RASGRP1: variants seen among roughly 807,000 people sequenced by gnomAD.
RASGRP1 encodes the protein RAS guanyl releasing protein 1, also known as RAS guanyl-releasing protein 1.
RASGRP1 carries 37 observed loss-of-function variants against 95.1 expected under a neutral mutation model. That is an observed-to-expected ratio of 0.39 (90% CI 0.30 to 0.51). The LOEUF is 0.51. Among genes scored for constraint, RASGRP1 ranks in the 20% least tolerant of loss-of-function variants. RASGRP1 has a pLI of 0.80. For missense variants in RASGRP1, 711 were observed against 965.4 expected (o/e 0.74, Z 3.49); for synonymous variants, 325 against 353.4 (o/e 0.92, Z 0.90).
chr15:38,502,245 G>T, intron 12 of RASGRP1, 67 bp downstream of exon 12: 1 of 1,123,248 alleles, frequency 8.9e-7, no homozygotes, highest in Non-Finnish European at 1.3e-6. Context: ...TTCTTCTAGT[G>T]ACATACCTAT....
chr15:38,554,303 G>C (rs553386050), intron 2 of RASGRP1, among the ~76,000 whole-genome samples: 66 of 152,246 alleles, frequency 4.3e-4, no homozygotes, highest in Admixed American at 3.1e-3. Flanking sequence ...CCACCTCATA[G>C]GGTTGTTGGG....
chr15:38,518,932 C>T (rs1467038818), intron 4 of RASGRP1, among the ~76,000 whole-genome samples: 1 of 151,910 alleles, frequency 6.6e-6, no homozygotes, highest in Non-Finnish European at 1.5e-5. Flanking sequence ...GAAAACAAGA[C>T]AAAGGAAATA....
intron 2 of RASGRP1, among the ~76,000 whole-genome samples, chr15:38,548,620 A>C (rs1893198112): frequency 6.7e-6 from 1 of 150,038 alleles, no homozygotes; most frequent in Admixed American, 6.5e-5. Context: ...ATAGTGAGCA[A>C]AACAACGTAA....
intron 12 of RASGRP1, among the ~76,000 whole-genome samples, 178 bp downstream of exon 12, chr15:38,502,134 C>T (rs368186724): frequency 3.5e-4 from 54 of 152,150 alleles, no homozygotes; most frequent in Non-Finnish European, 7.3e-4. Context: ...GGATTACAGG[C>T]GTGAGCCACT....
At chr15:38,526,601 C>T (rs1019613594) in intron 2 of RASGRP1, among the ~76,000 whole-genome samples, 197 bp from the exon 3 acceptor site, 1 of 152,086 alleles carries the variant, frequency 6.6e-6, no homozygotes, top group African/African-American at 2.4e-5. Context: ...CATTTTGATG[C>T]TCATTAACTA....
intron 11 of RASGRP1, among the ~76,000 whole-genome samples, 158 bp from the exon 12 acceptor site, chr15:38,502,579 G>T (rs1891078189): frequency 6.6e-6 from 1 of 152,218 alleles, no homozygotes; most frequent in African/African-American, 2.4e-5. Flanking sequence ...GCAAAGATGT[G>T]GCAGGTCACA....
chr15:38,514,357 A>G (rs567987977), intron 6 of RASGRP1, among the ~76,000 whole-genome samples: 38 of 152,304 alleles, frequency 2.5e-4, no homozygotes, highest in African/African-American at 8.4e-4. Flanking sequence ...CTCATTGCAT[A>G]TATTTTGAAT....
chr15:38,564,133 A>G (rs985678695), intron 1 of RASGRP1, among the ~76,000 whole-genome samples: 2 of 152,162 alleles, frequency 1.3e-5, no homozygotes, highest in Non-Finnish European at 2.9e-5. Context: ...GAGGGGTGCC[A>G]CCTCTGCGGG....
intron 2 of RASGRP1, among the ~76,000 whole-genome samples, chr15:38,531,660 T>G (rs1451487697): frequency 1.3e-5 from 2 of 151,892 alleles, no homozygotes; most frequent in Non-Finnish European, 2.9e-5. Flanking sequence ...TCTGTGGGAG[T>G]GAGTGCTGGC....
chr15:38,510,952 G>A (rs1446431517), intron 8 of RASGRP1, among the ~76,000 whole-genome samples: 1 of 152,136 alleles, frequency 6.6e-6, no homozygotes, highest in Non-Finnish European at 1.5e-5. Flanking sequence ...GACAGAGGAA[G>A]ACCCTGTTTC....
chr15:38,542,239 C>T (rs895112189), intron 2 of RASGRP1, among the ~76,000 whole-genome samples: 1 of 152,092 alleles, frequency 6.6e-6, no homozygotes, highest in African/African-American at 2.4e-5. Flanking sequence ...AAAAGCAGAA[C>T]AAAAACTGGT....
intron 14 of RASGRP1, 129 bp from the exon 15 acceptor site, chr15:38,499,075 T>TAA: frequency 8.1e-7 from 1 of 1,234,806 alleles, no homozygotes. Flanking sequence ...CTAAGACACT[T>TAA]AACATTCCTA....
At chr15:38,519,711 G>A (rs1018872538) in intron 3 of RASGRP1, among the ~76,000 whole-genome samples, 4 of 152,112 alleles carry the variant, frequency 2.6e-5, no homozygotes, top group African/African-American at 9.7e-5. Flanking sequence ...ATGACTCCTT[G>A]CCTGTGCTCA....
intron 3 of RASGRP1, among the ~76,000 whole-genome samples, chr15:38,520,237 T>C (rs1282945837): frequency 6.6e-6 from 1 of 152,220 alleles, no homozygotes; most frequent in Non-Finnish European, 1.5e-5. Flanking sequence ...ATGCCTTGTT[T>C]TCCTTCTAAA....
At chr15:38,499,330 A>C in intron 14 of RASGRP1, 1 of 369,050 alleles carries the variant, frequency 2.7e-6, no homozygotes. Context: ...TCCTAGTCAC[A>C]AGGAAGGACA....
chr15:38,551,680 A>G (rs1466805367), intron 2 of RASGRP1, among the ~76,000 whole-genome samples: 1 of 152,210 alleles, frequency 6.6e-6, no homozygotes, highest in Admixed American at 6.5e-5. Flanking sequence ...ACATGACAAT[A>G]TCAAAACCAA....
intron 2 of RASGRP1, among the ~76,000 whole-genome samples, chr15:38,536,469 CT>C (rs1325693195): frequency 6.6e-6 from 1 of 152,182 alleles, no homozygotes; most frequent in Non-Finnish European, 1.5e-5. Flanking sequence ...AATTCTTGGC[CT>C]TTTTTGCATA....
At chr15:38,513,627 T>C (rs1891635306) in intron 6 of RASGRP1, among the ~76,000 whole-genome samples, 1 of 152,236 alleles carries the variant, frequency 6.6e-6, no homozygotes, top group South Asian at 2.1e-4. Context: ...GTTTCCCAAG[T>C]TGACAATAGC....
intron 15 of RASGRP1, among the ~76,000 whole-genome samples, chr15:38,496,500 G>T (rs8029293): frequency 6.6e-6 from 1 of 152,164 alleles, no homozygotes; most frequent in South Asian, 2.1e-4. Context: ...TGCATTTTAT[G>T]TGACAGAATT....
Sources: allele counts gnomAD v4.1 joint callset (sites outside exome capture counted in the v4.1 genomes callset), GRCh38; gene constraint gnomAD v4.1.1; transcripts MANE v1.5; gene names NCBI Gene and HGNC (gene_info 2026-07-23, HGNC 2026-07-21).